Variants in PRICKLE1 observed in about 807,000 individuals in gnomAD.
PRICKLE1 encodes the protein prickle planar cell polarity protein 1.
In PRICKLE1, 14 loss-of-function variants were observed where a neutral mutation model predicts 70.2. The ratio of observed to expected loss-of-function variants is 0.20; its 90% CI spans 0.13 to 0.31. The LOEUF (loss-of-function observed/expected upper bound fraction) is 0.31, where lower values mean the gene tolerates loss of function less well. Ranked by LOEUF, PRICKLE1 falls within the 10% of genes least tolerant of loss-of-function variation. The probability of loss-of-function intolerance (pLI) is 1.00; values close to 1 mark genes in which losing one functional copy is unlikely to be tolerated. For synonymous variants in PRICKLE1, 357 were observed against 379.9 expected, an observed-to-expected ratio of 0.94 and a Z score of 0.70; for missense variants, 821 against 1,026.2, an observed-to-expected ratio of 0.80 and a Z score of 2.73.
chr12:42,517,010 C>T (rs1277580381), intron 1 of PRICKLE1, among the ~76,000 whole-genome samples: 1 of 152,152 alleles, frequency 6.6e-6, no homozygotes, highest in Admixed American at 6.5e-5. Flanking sequence ...TGTAGAGAAC[C>T]TCTGTTCCAC....
At chr12:42,529,893 A>T (rs1423100022) in intron 1 of PRICKLE1, among the ~76,000 whole-genome samples, 1 of 152,046 alleles carries the variant, frequency 6.6e-6, no homozygotes, top group Non-Finnish European at 1.5e-5. Flanking sequence ...CTTATCAAAA[A>T]AAAAGGAAAA....
In PRICKLE1 at chr12:42,530,149, G is replaced by A. The variant is rs566728337; in HGVS notation, c.-48-57585C>T. Among the ~76,000 whole-genome samples, 27 of 152,076 alleles carry A rather than the reference G, an allele frequency of 1.8e-4. No homozygotes were observed. In the South Asian group the frequency reaches 5.4e-3, roughly 30 times the overall value. ...AGTACAGACGGGGTTTCACCATGTT[G>A]GCCAGGTTGGTCTTGAACTCCTGAC... On this transcript the variant is annotated intron_variant, in intron 1 of 7. Transcript: ENST00000345127.
At chr12:42,477,308 G>T (rs1363625773) in intron 1 of PRICKLE1, among the ~76,000 whole-genome samples, 1 of 150,520 alleles carries the variant, frequency 6.6e-6, no homozygotes, top group Admixed American at 6.6e-5. Flanking sequence ...GGAGGCAGAG[G>T]TTGCGGTGAG....
chr12:42,460,151 G>T lies in PRICKLE1; in HGVS notation c.2154C>A (p.Ala718=), dbSNP rs770055515. The T allele has an allele frequency of 1.9e-6, 3 of 1,614,014 alleles. No homozygotes were observed. In the South Asian group the frequency reaches 3.3e-5, roughly 18 times the overall value. ...NYEKFIQNKS[A]REIQAYIQNA... is the part of the protein sequence containing the mutation. ...TCTGGATGTATGCTTGGATCTCCCGGGCACTTTTATTCTGTATAAATTTCT... is the reference window on the plus strand; with the variant it reads ...TCTGGATGTATGCTTGGATCTCCCGTGCACTTTTATTCTGTATAAATTTCT... The change falls in exon 8 of 8, where the codon GCC becomes GCA. Residue 718 remains alanine, a synonymous_variant. Transcript: ENST00000345127.
chr12:42,535,793 A>G (rs1487516730), intron 1 of PRICKLE1, among the ~76,000 whole-genome samples: 1 of 152,196 alleles, frequency 6.6e-6, no homozygotes, highest in Non-Finnish European at 1.5e-5. Flanking sequence ...ATTTAACAAG[A>G]AAGAAAGAAA....
At chr12:42,480,672 G>A (rs565669636) in intron 1 of PRICKLE1, among the ~76,000 whole-genome samples, 2 of 152,280 alleles carry the variant, frequency 1.3e-5, no homozygotes, top group African/African-American at 2.4e-5. Context: ...ACATAAATGA[G>A]CCATAACTAT....
intron 1 of PRICKLE1, among the ~76,000 whole-genome samples, chr12:42,543,304 A>G (rs1940148789): frequency 6.6e-6 from 1 of 152,004 alleles, no homozygotes; most frequent in African/African-American, 2.4e-5. Flanking sequence ...TACAGTTGAC[A>G]CTTGAACAAT....
chr12:42,511,123 A>G (rs1939505813), intron 1 of PRICKLE1, among the ~76,000 whole-genome samples: 2 of 152,242 alleles, frequency 1.3e-5, no homozygotes, highest in African/African-American at 4.8e-5. Flanking sequence ...AAAACCAGCC[A>G]GAAGAGTCAA....
At chr12:42,534,630 G>GA (rs1939986913) in intron 1 of PRICKLE1, among the ~76,000 whole-genome samples, 1 of 152,208 alleles carries the variant, frequency 6.6e-6, no homozygotes, top group Non-Finnish European at 1.5e-5. Context: ...GTCTAAGGCA[G>GA]CATGCCTTGA....
At chr12:42,462,166 C>T (rs1180238722) in intron 7 of PRICKLE1, among the ~76,000 whole-genome samples, 1 of 151,956 alleles carries the variant, frequency 6.6e-6, no homozygotes, top group African/African-American at 2.4e-5. Flanking sequence ...ATGTCAGCCC[C>T]TAACACTTAA....
At chr12:42,572,675 A>T (rs984699069) in intron 1 of PRICKLE1, among the ~76,000 whole-genome samples, 4 of 151,700 alleles carry the variant, frequency 2.6e-5, no homozygotes, top group African/African-American at 4.8e-5. Context: ...TATATATATA[A>T]AATCAGCAAG....
At chr12:42,485,698 G>C (rs185479370) in intron 1 of PRICKLE1, among the ~76,000 whole-genome samples, 5 of 152,308 alleles carry the variant, frequency 3.3e-5, no homozygotes, top group Admixed American at 3.3e-4. Flanking sequence ...AAGCCAGGCA[G>C]ACCCTTTTTG....
At chr12:42,519,073 C>T (rs878978359) in intron 1 of PRICKLE1, among the ~76,000 whole-genome samples, 1 of 151,864 alleles carries the variant, frequency 6.6e-6, no homozygotes, top group Non-Finnish European at 1.5e-5. Context: ...AAGTAGTAAT[C>T]GTTACCATCT....
chr12:42,495,746 G>A (rs952618751), intron 1 of PRICKLE1, among the ~76,000 whole-genome samples: 14 of 151,054 alleles, frequency 9.3e-5, no homozygotes, highest in Non-Finnish European at 1.6e-4. Flanking sequence ...GTGCCACCAC[G>A]CCCTGCTAAT....
rs75738416 is a variant in PRICKLE1, at chr12:42,502,024, T to C, written c.-48-29460A>G. ...CATGCTACTTCTAGAAGCCCGTCAA[T>C]AGGTGTGACAGTTAATTTACAGAAT... On this transcript the variant is annotated intron_variant, in intron 1 of 7. Transcript: ENST00000345127. Among the ~76,000 whole-genome samples, 357 of 152,216 alleles carry C rather than the reference T, an allele frequency of 2.3e-3. 2 individuals carry two copies. The highest frequency in any genetic ancestry group is 8.1e-3 in the African/African-American group (337 of 41,512).
intron 1 of PRICKLE1, among the ~76,000 whole-genome samples, chr12:42,533,027 G>T (rs1411675572): frequency 6.6e-6 from 1 of 152,042 alleles, no homozygotes; most frequent in Admixed American, 6.6e-5. Context: ...AAATAGTGTA[G>T]CTATAGATAA....
At chr12:42,541,621 A>G (rs1940118310) in intron 1 of PRICKLE1, among the ~76,000 whole-genome samples, 1 of 152,162 alleles carries the variant, frequency 6.6e-6, no homozygotes, top group Non-Finnish European at 1.5e-5. Flanking sequence ...TACAGGCATG[A>G]GTCACCATGC....
In PRICKLE1 at chr12:42,458,933, C is replaced by A. The variant is rs1487273455; in HGVS notation, c.*876G>T. On this transcript the variant is annotated 3_prime_UTR_variant, in exon 8 of 8. Transcript: ENST00000345127. ...GGGCCATAGTTTTAAAGAGTACTTA[C>A]ATAGCCCCACCATGCATACAGAGCC... The A allele has an allele frequency of 4.5e-6, 1 of 220,404 alleles. No homozygotes were observed. The highest frequency in any genetic ancestry group is 9.2e-6 in the Non-Finnish European group (1 of 108,858). The allele number at this position is 220,404 out of a possible 1,614,324, so 13.7% of individuals were successfully genotyped here. A position where few individuals can be genotyped will look rare whatever the true frequency, so the allele number is the denominator to read the frequency against.
At chr12:42,512,814 C>T (rs191939960) in intron 1 of PRICKLE1, among the ~76,000 whole-genome samples, 4 of 152,154 alleles carry the variant, frequency 2.6e-5, no homozygotes, top group East Asian at 1.9e-4. Flanking sequence ...TGTGCCACCA[C>T]GTTCGGCTGA....
Sources: allele counts gnomAD v4.1 joint callset (sites outside exome capture counted in the v4.1 genomes callset), GRCh38; gene constraint gnomAD v4.1.1; transcripts MANE v1.5; gene names NCBI Gene and HGNC (gene_info 2026-07-23, HGNC 2026-07-21).